Variants in HS6ST3 observed in about 807,000 individuals in gnomAD.
HS6ST3 encodes heparan-sulfate 6-O-sulfotransferase 3.
Under a neutral mutation model 36.7 loss-of-function variants are expected in HS6ST3, and 12 were observed. The observed-to-expected ratio is 0.33, with a 90% confidence interval of 0.21 to 0.53. The LOEUF is 0.53. Ranked by LOEUF, HS6ST3 falls within the 20% of genes least tolerant of loss-of-function variation. The pLI, the probability that HS6ST3 is intolerant of heterozygous loss-of-function variation, is 0.95. For missense variants in HS6ST3, 584 were observed against 640.9 expected (o/e 0.91, Z 0.96); for synonymous variants, 240 against 257.5 (o/e 0.93, Z 0.65).
intron 1 of HS6ST3, among the ~76,000 whole-genome samples, chr13:96,203,801 T>G (rs1048270398): frequency 6.6e-6 from 1 of 152,146 alleles, no homozygotes; most frequent in African/African-American, 2.4e-5. Flanking sequence ...ATCAGGAAAA[T>G]ACAGAAAAGT....
intron 1 of HS6ST3, among the ~76,000 whole-genome samples, chr13:96,396,505 C>G (rs1208628343): frequency 6.6e-6 from 1 of 152,156 alleles, no homozygotes; most frequent in Non-Finnish European, 1.5e-5. Flanking sequence ...TATATAGGTT[C>G]TACTGCATTA....
intron 1 of HS6ST3, among the ~76,000 whole-genome samples, chr13:96,464,138 CA>C (rs67305199): frequency 8.0e-4 from 31 of 38,788 alleles, no homozygotes; most frequent in African/African-American, 2.2e-3. Context: ...TGTCAGGCCT[CA>C]AAAAAAAAAA....
At chr13:96,591,070 C>T (rs1399812980) in intron 1 of HS6ST3, among the ~76,000 whole-genome samples, 3 of 150,816 alleles carry the variant, frequency 2.0e-5, no homozygotes, top group Non-Finnish European at 4.4e-5. Flanking sequence ...TTTTTTTTGC[C>T]AGTACCATGC....
At chr13:96,534,361 G>A (rs1236978492) in intron 1 of HS6ST3, among the ~76,000 whole-genome samples, 1 of 152,166 alleles carries the variant, frequency 6.6e-6, no homozygotes, top group African/African-American at 2.4e-5. Flanking sequence ...GGATAATTAT[G>A]TATACCCACT....
At chr13:96,378,464 C>T (rs1391300387) in intron 1 of HS6ST3, among the ~76,000 whole-genome samples, 2 of 152,118 alleles carry the variant, frequency 1.3e-5, no homozygotes, top group Admixed American at 6.6e-5. Flanking sequence ...CCTCATGATT[C>T]CTGGAAACTG....
intron 1 of HS6ST3, among the ~76,000 whole-genome samples, chr13:96,249,973 A>G (rs1344285487): frequency 6.6e-6 from 1 of 152,156 alleles, no homozygotes; most frequent in Non-Finnish European, 1.5e-5. Context: ...GTGGGTACCA[A>G]GTTTAAGTTT....
chr13:96,317,350 A>AAT (rs1481841716), intron 1 of HS6ST3, among the ~76,000 whole-genome samples: 1,850 of 83,536 alleles, frequency 0.022, 66 homozygotes, highest in African/African-American at 0.068. Context: ...ATATATATAT[A>AAT]TATATATATA....
intron 1 of HS6ST3, among the ~76,000 whole-genome samples, chr13:96,738,632 G>C (rs199619926): frequency 7.7e-6 from 1 of 129,126 alleles, no homozygotes; most frequent in Non-Finnish European, 1.7e-5. Context: ...TGTGTCTTGT[G>C]GTCATTGAGA....
In HS6ST3 at chr13:96,139,541, G is replaced by GAAAAA. The variant is rs57777280; in HGVS notation, c.707+47994_707+47998dup. On this transcript the variant is annotated intron_variant, in intron 1 of 1. Coordinates refer to ENST00000376705, the MANE Select transcript of HS6ST3 (RefSeq NM_153456.4). ...TTTTCCTGAAATACTGTAAGATTCA[G>GAAAAA]AAAAAAAAAAAAAAAAAAAAAAAAA... Among the ~76,000 whole-genome samples, 35 of 66,282 alleles carry GAAAAA rather than the reference G, an allele frequency of 5.3e-4. 3 individuals carry two copies. The highest frequency in any genetic ancestry group is 1.9e-3 in the African/African-American group (31 of 16,360). The allele number at this position is 66,282 out of a possible 152,430, so 43.5% of individuals were successfully genotyped here.
intron 1 of HS6ST3, among the ~76,000 whole-genome samples, chr13:96,809,659 A>G (rs1878273018): frequency 6.6e-6 from 1 of 152,128 alleles, no homozygotes; most frequent in African/African-American, 2.4e-5. Flanking sequence ...CTCGGCCATG[A>G]GCTCTGGGCA....
chr13:96,254,449 ATAT>A (rs1334789544), intron 1 of HS6ST3, among the ~76,000 whole-genome samples: 1 of 3,728 alleles, frequency 2.7e-4, no homozygotes, highest in African/African-American at 8.9e-4. Flanking sequence ...AAAAAAAAAA[ATAT>A]ATATATATAT....
At chr13:96,362,758 G>A (rs541082059) in intron 1 of HS6ST3, among the ~76,000 whole-genome samples, 6 of 152,220 alleles carry the variant, frequency 3.9e-5, no homozygotes, top group African/African-American at 1.4e-4. Context: ...TTTTCAATGG[G>A]TTAATAGTTA....
chr13:96,534,823 G>T (rs1025451420), intron 1 of HS6ST3, among the ~76,000 whole-genome samples: 1 of 152,136 alleles, frequency 6.6e-6, no homozygotes, highest in Non-Finnish European at 1.5e-5. Context: ...GCCAGGCATG[G>T]TGGTGTGTGC....
chr13:96,733,034 G>A (rs973112761), intron 1 of HS6ST3, among the ~76,000 whole-genome samples: 1 of 152,030 alleles, frequency 6.6e-6, no homozygotes, highest in African/African-American at 2.4e-5. Flanking sequence ...ACAGCATTTT[G>A]GTGGAACCTT....
intron 1 of HS6ST3, among the ~76,000 whole-genome samples, chr13:96,195,805 A>G (rs1223530824): frequency 1.3e-5 from 2 of 152,180 alleles, no homozygotes; most frequent in Admixed American, 1.3e-4. Flanking sequence ...TTTGTGCCTT[A>G]GTTCCCTTGT....
At chr13:96,399,901 C>CTGGTCTAA (rs1469852238) in intron 1 of HS6ST3, among the ~76,000 whole-genome samples, 4 of 152,218 alleles carry the variant, frequency 2.6e-5, no homozygotes, top group Non-Finnish European at 5.9e-5. Context: ...CTATTGAAGT[C>CTGGTCTAA]TTTTCCTCAG....
intron 1 of HS6ST3, among the ~76,000 whole-genome samples, chr13:96,234,488 AAG>A (rs1365178588): frequency 6.6e-6 from 1 of 152,206 alleles, no homozygotes; most frequent in Admixed American, 6.5e-5. Flanking sequence ...TATAAAGAAA[AAG>A]AGATTTAATA....
chr13:96,163,423 G>C (rs2054146387), intron 1 of HS6ST3, among the ~76,000 whole-genome samples: 1 of 151,772 alleles, frequency 6.6e-6, no homozygotes, highest in Non-Finnish European at 1.5e-5. Context: ...TAGAGATGGG[G>C]TTTCACCGTA....
chr13:96,215,753 C>T (rs963970356), intron 1 of HS6ST3, among the ~76,000 whole-genome samples: 3 of 151,568 alleles, frequency 2.0e-5, no homozygotes, highest in East Asian at 1.9e-4. Flanking sequence ...TATAGTGTCA[C>T]GGTTAGGATA....
Sources: allele counts gnomAD v4.1 joint callset (sites outside exome capture counted in the v4.1 genomes callset), GRCh38; gene constraint gnomAD v4.1.1; transcripts MANE v1.5; gene names NCBI Gene and HGNC (gene_info 2026-07-23, HGNC 2026-07-21).